The following PCDHGB4 variants were observed in gnomAD, a reference collection of about 807,000 sequenced individuals.
PCDHGB4 encodes the protein protocadherin gamma-B4.
PCDHGB4 carries 38 observed loss-of-function variants against 60.5 expected under a neutral mutation model. The ratio of observed to expected loss-of-function variants is 0.63; its 90% confidence interval spans 0.48 to 0.82. PCDHGB4 has a LOEUF of 0.82. PCDHGB4 is among the 40% of genes least tolerant of loss of function. The pLI, the probability that PCDHGB4 is intolerant of heterozygous loss-of-function variation, is 0.00. For missense variants in PCDHGB4, 1,109 were observed against 1,209.6 expected (o/e 0.92, Z 1.23); for synonymous variants, 456 against 509.7 (o/e 0.89, Z 1.42).
In PCDHGB4 at chr5:141,491,893, G is replaced by C. The variant is rs2099734820; in HGVS notation, c.2398-2914G>C. The C allele has an allele frequency of 6.9e-7, 1 of 1,438,856 alleles. No individual in the cohort carries two copies. The highest frequency in any genetic ancestry group is 9.2e-7 in the Non-Finnish European group (1 of 1,088,104). 89.1% of individuals were successfully genotyped at this position (1,438,856 alleles called of 1,614,324 possible). A position where few individuals can be genotyped will look rare whatever the true frequency, so the allele number is the denominator to read the frequency against. ...GGCCGATTAAGGGATGGGGCTCCGA[G>C]CACCGGGGGTGGTGGCGACTGTGGG... On this transcript the variant is annotated intron_variant, in intron 1 of 3. Coordinates refer to ENST00000519479, the MANE Select transcript of PCDHGB4 (RefSeq NM_003736.4). The surrounding 1 kb of genome is among the most constrained non-coding windows in gnomAD (Gnocchi z 6.9).
chr5:141,404,081 G>A (rs1436868245), intron 1 of PCDHGB4: 10 of 1,613,302 alleles, frequency 6.2e-6, no homozygotes, highest in South Asian at 2.2e-5. Context: ...CCGAGACTCC[G>A]GGAAGAATGG....
chr5:141,482,500 G>T (rs1409735210), intron 1 of PCDHGB4, among the ~76,000 whole-genome samples: 1 of 133,788 alleles, frequency 7.5e-6, no homozygotes, highest in Non-Finnish European at 1.5e-5. Flanking sequence ...TATCATTCTG[G>T]TACCCAGAGT....
At chr5:141,504,462 G>A (rs1375731108) in intron 2 of PCDHGB4, among the ~76,000 whole-genome samples, 5 of 152,074 alleles carry the variant, frequency 3.3e-5, no homozygotes, top group African/African-American at 9.7e-5. Flanking sequence ...TGGGGCAGCC[G>A]CTGGGATGGG....
chr5:141,464,310 A>T lies in PCDHGB4; in HGVS notation c.2398-30497A>T, dbSNP rs1327900308. ...AAAAAACTCCATTGTATGTGCACAT[A>T]TCATTATCTGTTCAACCCATCTATG... On this transcript the variant is annotated intron_variant, in intron 1 of 3. Coordinates refer to ENST00000519479, the MANE Select transcript of PCDHGB4 (RefSeq NM_003736.4). 2.0e-5 allele frequency among the ~76,000 whole-genome samples: 3 copies of T among 151,494 alleles called. No homozygotes were observed. The East Asian group carries it at 5.8e-4, about 29-fold the overall frequency.
rs753490190 is a variant in PCDHGB4 at position 141,389,394 on chromosome 5, T to C, written c.1510T>C (p.Ser504Pro). 1.2e-6 allele frequency: 2 copies of C among 1,613,672 alleles called. No homozygotes were observed. The highest frequency in any genetic ancestry group is 2.2e-5 in the South Asian group (2 of 91,088). ...LEQRELSSYVSISAESGVVFA... is the reference protein window; with the variant it reads ...LEQRELSSYVPISAESGVVFA... ...GCAGCGGGAGCTGTCATCCTACGTG[T>C]CCATAAGCGCGGAGAGCGGGGTGGT... Residue 504 changes from serine (S) to proline (P), a missense_variant, in exon 1 of 4, where the codon TCC becomes CCC. Physicochemically the swap from Ser to Pro is moderately conservative, Grantham distance 74. Transcript: ENST00000519479.
chr5:141,410,184 A>AT, intron 1 of PCDHGB4: 1 of 1,613,918 alleles, frequency 6.2e-7, no homozygotes, highest in Non-Finnish European at 8.5e-7. Context: ...GCCACGCTTC[A>AT]TCTGGTCTTC....
intron 1 of PCDHGB4, chr5:141,402,902 G>GA: frequency 6.6e-7 from 1 of 1,522,022 alleles, no homozygotes; most frequent in Non-Finnish European, 8.8e-7. Flanking sequence ...AGAACCTGAT[G>GA]AAGCAGCGCG....
chr5:141,453,052 G>A (rs1299518260), intron 1 of PCDHGB4, among the ~76,000 whole-genome samples: 2 of 152,062 alleles, frequency 1.3e-5, no homozygotes, highest in East Asian at 3.9e-4. Flanking sequence ...ATTATGTGCA[G>A]TTTTAGAGTT....
chr5:141,399,832 G>A, intron 1 of PCDHGB4: 1 of 1,613,152 alleles, frequency 6.2e-7, no homozygotes, highest in African/African-American at 1.3e-5. Flanking sequence ...CGACGGCTCT[G>A]CGCTCTTCGA....
chr5:141,492,077 C>G (rs917149790), intron 1 of PCDHGB4: 1 of 483,342 alleles, frequency 2.1e-6, no homozygotes, highest in African/African-American at 2.0e-5. Context: ...GGCGCCGGCT[C>G]CGGCACGCTT....
At chr5:141,464,024 G>A (rs2099074308) in intron 1 of PCDHGB4, among the ~76,000 whole-genome samples, 1 of 151,996 alleles carries the variant, frequency 6.6e-6, no homozygotes, top group East Asian at 1.9e-4. Context: ...CCACACTTTG[G>A]GAGGCCAAGG....
At chr5:141,399,048 G>C (rs779434482) in intron 1 of PCDHGB4, 7 of 1,613,830 alleles carry the variant, frequency 4.3e-6, no homozygotes, top group Non-Finnish European at 5.1e-6. Flanking sequence ...ATTTTGAAGA[G>C]ACCAAGGAAT....
At chr5:141,400,539 T>C (rs1339848826) in intron 1 of PCDHGB4, 7 of 1,613,782 alleles carry the variant, frequency 4.3e-6, no homozygotes, top group African/African-American at 4.0e-5. Context: ...GTTTCATTTA[T>C]GTCTATTCTT....
chr5:141,500,036 T>C (rs1001193977), intron 2 of PCDHGB4, among the ~76,000 whole-genome samples: 8 of 152,176 alleles, frequency 5.3e-5, no homozygotes, highest in African/African-American at 1.9e-4. Flanking sequence ...TGAGTGTCTC[T>C]TAAGTATCTT....
At chr5:141,456,968 AAAAC>A (rs202005606) in intron 1 of PCDHGB4, among the ~76,000 whole-genome samples, 2,421 of 152,270 alleles carry the variant, frequency 0.016, 37 homozygotes, top group Non-Finnish European at 0.025. Context: ...ATCTCAAAAC[AAAAC>A]AAACAAACAA....
chr5:141,387,718 T>G lies in PCDHGB4; in HGVS notation c.-167T>G. ...TTTCCAGGGCAGCCCCAGCTCAGACTCCCCAGCGCCAGCCTTTACACCGCT... is the reference window on the plus strand; with the variant it reads ...TTTCCAGGGCAGCCCCAGCTCAGACGCCCCAGCGCCAGCCTTTACACCGCT... On this transcript the variant is annotated 5_prime_UTR_variant, in exon 1 of 4. Transcript: ENST00000519479. 9.1e-7 allele frequency: 1 copy of G among 1,099,216 alleles called. No individual in the cohort carries two copies. The highest frequency in any genetic ancestry group is 1.7e-5 in the South Asian group (1 of 59,272). 68.1% of individuals were successfully genotyped at this position (1,099,216 alleles called of 1,614,324 possible).
rs2091901102 is a variant in PCDHGB4 at position 141,389,769 on chromosome 5, G to A, written c.1885G>A (p.Ala629Thr). 3.1e-6 allele frequency: 5 copies of A among 1,612,950 alleles called. No homozygotes were observed. Among genetic ancestry groups the A allele is most frequent in the Non-Finnish European group, 4.2e-6 (5 of 1,179,724 alleles). ...LRTGEVRTARALGDRDAVRQR... is the reference protein window; with the variant it reads ...LRTGEVRTARTLGDRDAVRQR... ...CACGGGCGAAGTGCGCACAGCGCGT[G>A]CCTTAGGCGACAGGGACGCCGTCCG... The change falls in exon 1 of 4, where the codon GCC becomes ACC. Residue 629 changes from alanine (A) to threonine (T), a missense_variant. Coordinates refer to ENST00000519479, the MANE Select transcript of PCDHGB4 (RefSeq NM_003736.4).
chr5:141,453,545 A>T (rs2098768582), intron 1 of PCDHGB4, among the ~76,000 whole-genome samples: 1 of 151,998 alleles, frequency 6.6e-6, no homozygotes, highest in African/African-American at 2.4e-5. Flanking sequence ...TTCACACCAC[A>T]CTCTGTAGAT....
chr5:141,430,216 A>G (rs1487666733), intron 1 of PCDHGB4, among the ~76,000 whole-genome samples: 1 of 150,536 alleles, frequency 6.6e-6, no homozygotes, highest in Non-Finnish European at 1.5e-5. Flanking sequence ...TTATTATATT[A>G]TATGATTTGT....
Sources: gnomAD v4.1 joint callset for allele counts (sites outside exome capture counted in the v4.1 genomes callset) on GRCh38, gnomAD v4.1.1 for gene constraint, Gnocchi (gnomAD v3.1) non-coding constraint, MANE v1.5 for transcripts, NCBI Gene and HGNC (gene_info 2026-07-23, HGNC 2026-07-21) for gene names.